PARN: variants seen among roughly 807,000 people sequenced by gnomAD.
The protein encoded by PARN is poly(A)-specific ribonuclease.
A neutral mutation model predicts 102.8 loss-of-function variants in PARN; 71 were observed. The observed-to-expected ratio is 0.69, with a 90% CI of 0.57 to 0.84. The LOEUF is 0.84. Ranked by LOEUF, PARN falls within the 40% of genes least tolerant of loss-of-function variation. The pLI, the probability that PARN is intolerant of heterozygous loss-of-function variation, is 0.00. For synonymous variants in PARN, 261 were observed against 252.9 expected, an observed-to-expected ratio of 1.03 and a Z score of -0.30; for missense variants, 782 against 760.9, an observed-to-expected ratio of 1.03 and a Z score of -0.33.
chr16:14,611,832 C>T (rs72787702), intron 6 of PARN, among the ~76,000 whole-genome samples: 2,405 of 152,156 alleles, frequency 0.016, 33 homozygotes, highest in Non-Finnish European at 0.025. Flanking sequence ...ACGGCCACCG[C>T]GCACGGCCAG....
At chr16:14,605,639 A>C (rs1269485332) in intron 10 of PARN, among the ~76,000 whole-genome samples, 2 of 152,166 alleles carry the variant, frequency 1.3e-5, no homozygotes, top group African/African-American at 4.8e-5. Flanking sequence ...ATTATCTACC[A>C]AGATTATTTT....
intron 18 of PARN, among the ~76,000 whole-genome samples, chr16:14,569,708 A>G (rs1277685883): frequency 4.6e-5 from 7 of 152,358 alleles, no homozygotes; most frequent in East Asian, 3.9e-4. Context: ...GAGTTGCTCA[A>G]AAAGAACAGT....
intron 21 of PARN, among the ~76,000 whole-genome samples, chr16:14,538,096 G>A (rs1966690494): frequency 6.6e-6 from 1 of 151,870 alleles, no homozygotes; most frequent in South Asian, 2.1e-4. Flanking sequence ...AATTAAAGGG[G>A]AAATAATATG....
intron 12 of PARN, among the ~76,000 whole-genome samples, chr16:14,594,779 C>T (rs574570255): frequency 3.9e-4 from 60 of 152,314 alleles, no homozygotes; most frequent in Non-Finnish European, 6.5e-4. Context: ...CAGTGTAACA[C>T]TGCTTGATTC....
At chr16:14,531,162 A>T (rs867655298) in intron 21 of PARN, among the ~76,000 whole-genome samples, 1 of 152,150 alleles carries the variant, frequency 6.6e-6, no homozygotes. Context: ...TGTCCAACAG[A>T]GTGAAACCCC....
intron 21 of PARN, among the ~76,000 whole-genome samples, chr16:14,501,265 CA>C (rs573188807): frequency 2.4e-5 from 3 of 125,358 alleles, no homozygotes; most frequent in African/African-American, 6.6e-5. Flanking sequence ...CCCATCTTTA[CA>C]AAAAAAAACA....
intron 21 of PARN, among the ~76,000 whole-genome samples, chr16:14,551,267 T>C (rs765917308): frequency 1.3e-5 from 2 of 151,470 alleles, no homozygotes; most frequent in Non-Finnish European, 2.9e-5. Flanking sequence ...AAATATTCAG[T>C]TTATTTGTTT....
intron 1 of PARN, 94 bp from the exon 2 acceptor site, chr16:14,629,768 G>A (rs1972916765): frequency 6.3e-6 from 6 of 947,434 alleles, no homozygotes; most frequent in Non-Finnish European, 1.0e-5. Context: ...GAGGCTGAGA[G>A]CCGGAAGGGG....
intron 18 of PARN, among the ~76,000 whole-genome samples, chr16:14,557,859 A>T (rs1455898460): frequency 6.6e-6 from 1 of 152,210 alleles, no homozygotes; most frequent in Non-Finnish European, 1.5e-5. Flanking sequence ...AGCACCTAGC[A>T]TGGTGGGTTC....
At chr16:14,612,209 C>T (rs1014293818) in intron 6 of PARN, among the ~76,000 whole-genome samples, 4 of 152,082 alleles carry the variant, frequency 2.6e-5, no homozygotes, top group African/African-American at 9.7e-5. Context: ...GAGGCCGAGG[C>T]GGGCGGATCA....
intron 22 of PARN, among the ~76,000 whole-genome samples, chr16:14,449,850 T>C (rs535312595): frequency 2.0e-5 from 3 of 152,304 alleles, no homozygotes; most frequent in East Asian, 1.9e-4. Flanking sequence ...ACTCCATTAG[T>C]AGACTGGGGA....
chr16:14,528,978 A>T (rs1395241515), intron 21 of PARN, among the ~76,000 whole-genome samples: 1 of 152,126 alleles, frequency 6.6e-6, no homozygotes, highest in Admixed American at 6.5e-5. Flanking sequence ...CTCTTTACAG[A>T]AACTTCTCTC....
intron 13 of PARN, among the ~76,000 whole-genome samples, chr16:14,592,701 T>C (rs559936641): frequency 6.6e-6 from 1 of 152,166 alleles, no homozygotes; most frequent in Non-Finnish European, 1.5e-5. Flanking sequence ...CTATGTCTAA[T>C]TGTAGCAGGA....
chr16:14,614,940 A>G (rs1163039508), intron 6 of PARN, among the ~76,000 whole-genome samples: 1 of 149,600 alleles, frequency 6.7e-6, no homozygotes, highest in Non-Finnish European at 1.5e-5. Context: ...GACACCTAGC[A>G]CAGCCTGGCC....
chr16:14,569,905 A>G (rs1801360658), intron 18 of PARN, among the ~76,000 whole-genome samples: 1 of 152,236 alleles, frequency 6.6e-6, no homozygotes, highest in Non-Finnish European at 1.5e-5. Context: ...TACATTTTAA[A>G]TGGTTAAATA....
intron 21 of PARN, among the ~76,000 whole-genome samples, chr16:14,532,962 T>C (rs1966432393): frequency 6.6e-6 from 1 of 151,862 alleles, no homozygotes; most frequent in Non-Finnish European, 1.5e-5. Flanking sequence ...TCCCAGACGA[T>C]GGGCGGCCAG....
chr16:14,532,565 T>G lies in PARN; in HGVS notation c.1480+19456A>C, dbSNP rs1432006761. Among the ~76,000 whole-genome samples, 4 of 152,126 alleles carry G rather than the reference T, an allele frequency of 2.6e-5. No homozygotes were observed. In the East Asian group the frequency reaches 7.7e-4, roughly 29 times the overall value. On this transcript the variant is annotated intron_variant, in intron 21 of 23. Coordinates refer to ENST00000437198, the MANE Select transcript of PARN (RefSeq NM_002582.4). ...AAACGAAAAGTCTCCCATGTCTACC[T>G]CTCTCCACACAGACACGGCAACCAT...
At chr16:14,604,884 G>C (rs1335479118) in intron 10 of PARN, among the ~76,000 whole-genome samples, 1 of 152,036 alleles carries the variant, frequency 6.6e-6, no homozygotes, top group Non-Finnish European at 1.5e-5. Context: ...CCAAAGTGCT[G>C]GGATTACAGG....
At chr16:14,608,374 C>T (rs1465540148) in intron 8 of PARN, 55 bp from the exon 9 acceptor site, 1 of 1,094,606 alleles carries the variant, frequency 9.1e-7, no homozygotes, top group Non-Finnish European at 1.3e-6. Flanking sequence ...TAAATCCAAA[C>T]TGATCAAGCA....
Sources: allele counts gnomAD v4.1 joint callset (sites outside exome capture counted in the v4.1 genomes callset), GRCh38; gene constraint gnomAD v4.1.1; transcripts MANE v1.5; gene names NCBI Gene and HGNC (gene_info 2026-07-23, HGNC 2026-07-21).